Variants in NLGN4Y observed in about 807,000 individuals in gnomAD.
The protein encoded by NLGN4Y is neuroligin-4, Y-linked.
NLGN4Y carries 4 observed loss-of-function variants against 8.4 expected under a neutral mutation model. The ratio of observed to expected loss-of-function variants is 0.48; its 90% CI spans 0.23 to 1.09. The LOEUF (loss-of-function observed/expected upper bound fraction) is 1.09, where lower values mean the gene tolerates loss of function less well. Among genes scored for constraint, NLGN4Y ranks in the 50% least tolerant of loss-of-function variants. NLGN4Y has a pLI of 0.19. For synonymous variants in NLGN4Y, 35 were observed against 75.6 expected (o/e 0.46, Z 2.78); for missense variants, 90 against 192.3 (o/e 0.47, Z 3.15).
At chrY:14,667,595 A>T (rs2080696971) in intron 2 of NLGN4Y, among the ~76,000 whole-genome samples, 1 of 33,593 alleles carries the variant, frequency 3.0e-5, no homozygotes, top group Admixed American at 2.7e-4. Context: ...ATTTTACTGC[A>T]TTTCATGCTT....
At position 14,598,221 on chromosome Y, in the gene NLGN4Y, A is replaced by G. The variant is rs759649744; in HGVS notation, c.-111-23788A>G. Among the ~76,000 whole-genome samples the G allele has an allele frequency of 2.6e-4, 9 of 34,707 alleles. No homozygotes were observed. The South Asian group carries it at 5.0e-3, about 19-fold the overall frequency. 93.1% of individuals were successfully genotyped at this position (34,707 alleles called of 37,273 possible). On this transcript the variant is annotated intron_variant, in intron 1 of 6. Coordinates refer to ENST00000684976, the MANE Select transcript of NLGN4Y (RefSeq NM_001365588.1). ...GGCATTCCTCAGCCCTTGGGTGGTCAATGGGACTGGGTGCCGTGGAGCAGG... is the reference window on the plus strand; with the variant it reads ...GGCATTCCTCAGCCCTTGGGTGGTCGATGGGACTGGGTGCCGTGGAGCAGG...
intron 2 of NLGN4Y, among the ~76,000 whole-genome samples, chrY:14,687,385 G>A (rs2080795238): frequency 3.1e-5 from 1 of 32,268 alleles, no homozygotes; most frequent in Non-Finnish European, 7.6e-5. Flanking sequence ...CTCTCATGCT[G>A]CCAGTAAAGG....
chrY:14,645,839 G>A (rs755178356), intron 2 of NLGN4Y, among the ~76,000 whole-genome samples: 66 of 33,194 alleles, frequency 2.0e-3, no homozygotes, highest in Middle Eastern at 0.014. Flanking sequence ...GTGATGAGGA[G>A]GATGGTGATG....
intron 2 of NLGN4Y, among the ~76,000 whole-genome samples, chrY:14,632,140 C>T: frequency 3.0e-5 from 1 of 33,800 alleles, no homozygotes; most frequent in Non-Finnish European, 7.3e-5. Flanking sequence ...CATAGTGGGT[C>T]TGGTATGTGT....
At chrY:14,578,533 C>T (rs536474920) in intron 1 of NLGN4Y, among the ~76,000 whole-genome samples, 11 of 33,463 alleles carry the variant, frequency 3.3e-4, no homozygotes, top group African/African-American at 9.3e-4. Context: ...GTGGTGGCCT[C>T]AGGAATGTTT....
chrY:14,704,068 A>G, intron 2 of NLGN4Y, among the ~76,000 whole-genome samples: 1 of 33,482 alleles, frequency 3.0e-5, no homozygotes, highest in African/African-American at 1.2e-4. Flanking sequence ...AGCTGAGACA[A>G]TGGGTTTTTC....
intron 1 of NLGN4Y, among the ~76,000 whole-genome samples, chrY:14,614,617 T>G: frequency 3.0e-5 from 1 of 33,599 alleles, no homozygotes; most frequent in African/African-American, 1.2e-4. Context: ...TTGTGTAAGG[T>G]GTAAGGAAGG....
intron 4 of NLGN4Y, among the ~76,000 whole-genome samples, chrY:14,793,066 A>G (rs2042993198): frequency 3.1e-5 from 1 of 32,211 alleles, no homozygotes; most frequent in African/African-American, 1.2e-4. Flanking sequence ...GCAAATCCAC[A>G]ATGAGCTATA....
At chrY:14,576,058 T>G in intron 1 of NLGN4Y, among the ~76,000 whole-genome samples, 1 of 33,580 alleles carries the variant, frequency 3.0e-5, no homozygotes, top group African/African-American at 1.2e-4. Context: ...AAGAAGGCAG[T>G]CTATCCATTC....
rs759647849 is a variant in NLGN4Y, at chrY:14,734,401, G to T, written c.685+11132G>T. 7.1e-4 allele frequency among the ~76,000 whole-genome samples: 24 copies of T among 33,790 alleles called. No individual in the cohort carries two copies. In the East Asian group the frequency reaches 0.017, roughly 24 times the overall value. 90.7% of individuals were successfully genotyped at this position (33,790 alleles called of 37,273 possible). ...TAAGTTCTCACTTTGGGCTGTGGTT[G>T]CATGCTTTTTGGCTTGAGGGTGGAG... is the stretch of plus-strand genomic sequence containing the variant. On this transcript the variant is annotated intron_variant, in intron 4 of 6. Coordinates refer to ENST00000684976, the MANE Select transcript of NLGN4Y (RefSeq NM_001365588.1).
intron 1 of NLGN4Y, among the ~76,000 whole-genome samples, chrY:14,610,428 G>A (rs2080462302): frequency 3.0e-5 from 1 of 33,227 alleles, no homozygotes; most frequent in Admixed American, 2.8e-4. Context: ...CAGTTTCAAA[G>A]AACTTATTTA....
intron 1 of NLGN4Y, among the ~76,000 whole-genome samples, chrY:14,551,027 G>C (rs1021787276): frequency 3.0e-5 from 1 of 32,952 alleles, no homozygotes; most frequent in Non-Finnish European, 7.5e-5. Context: ...ACATAGGTTT[G>C]CTCTTTTTAC....
intron 1 of NLGN4Y, among the ~76,000 whole-genome samples, chrY:14,618,626 A>T: frequency 3.0e-5 from 1 of 33,827 alleles, no homozygotes; most frequent in Non-Finnish European, 7.3e-5. Context: ...ACCTACAGAT[A>T]CTTAATCATT....
At chrY:14,598,391 G>A in intron 1 of NLGN4Y, among the ~76,000 whole-genome samples, 1 of 33,741 alleles carries the variant, frequency 3.0e-5, no homozygotes, top group Admixed American at 2.6e-4. Flanking sequence ...GCGCCGGTGG[G>A]CCAGCGCTGC....
intron 4 of NLGN4Y, among the ~76,000 whole-genome samples, chrY:14,745,987 G>A (rs2150564303): frequency 3.3e-5 from 1 of 30,117 alleles, no homozygotes; most frequent in East Asian, 8.8e-4. Context: ...TTTTTTTTTC[G>A]CTTTTCTATC....
chrY:14,788,953 A>G (rs774510136), intron 4 of NLGN4Y, among the ~76,000 whole-genome samples: 22 of 30,219 alleles, frequency 7.3e-4, no homozygotes, highest in African/African-American at 2.4e-3. Context: ...CATCATTTTC[A>G]TGCCCTTTCT....
At chrY:14,563,254 G>A (rs2150476672) in intron 1 of NLGN4Y, among the ~76,000 whole-genome samples, 1 of 33,770 alleles carries the variant, frequency 3.0e-5, no homozygotes, top group South Asian at 6.5e-4. Context: ...TTAGCATGAA[G>A]TATGTTGACT....
chrY:14,578,220 G>T (rs567946500), intron 1 of NLGN4Y, among the ~76,000 whole-genome samples: 1 of 31,609 alleles, frequency 3.2e-5, no homozygotes, highest in African/African-American at 1.2e-4. Flanking sequence ...AACTTAAAAT[G>T]ATAATAATAA....
chrY:14,843,804 GCA>G lies in NLGN4Y; in HGVS notation c.*2547_*2548del, dbSNP rs777130637. 2.7e-3 allele frequency: 319 copies of G among 119,288 alleles called. No homozygotes were observed. Among genetic ancestry groups the G allele is most frequent in the Admixed American group, 4.4e-3 (42 of 9,454 alleles). 29.8% of individuals were successfully genotyped at this position (119,288 alleles called of 400,897 possible). ...CTAGGCTTTTCCTTGATCTTCAGAG[GCA>G]CACAGGGTTTAATGGTTCCTTAGGT... On this transcript the variant is annotated 3_prime_UTR_variant, in exon 7 of 7. Transcript: ENST00000684976.
Sources: allele counts gnomAD v4.1 joint callset (sites outside exome capture counted in the v4.1 genomes callset), GRCh38; gene constraint gnomAD v4.1.1; transcripts MANE v1.5; gene names NCBI Gene and HGNC (gene_info 2026-07-23, HGNC 2026-07-21).